Variants in MAD1L1 observed in about 807,000 individuals in gnomAD.
The protein encoded by MAD1L1 is mitotic spindle assembly checkpoint protein MAD1.
Under a neutral mutation model 96.9 loss-of-function variants are expected in MAD1L1, and 95 were observed. That is an observed-to-expected ratio of 0.98 (90% CI 0.83 to 1.16). The LOEUF is 1.16. Among genes scored for constraint, MAD1L1 ranks in the 50% most tolerant of loss-of-function variants. The pLI is 0.00. For synonymous variants in MAD1L1, 473 were observed against 396.6 expected (o/e 1.19, Z -2.29); for missense variants, 1,007 against 954.4 (o/e 1.06, Z -0.73).
chr7:1,900,498 A>G (rs1176961154), intron 17 of MAD1L1, among the ~76,000 whole-genome samples: 2 of 152,174 alleles, frequency 1.3e-5, no homozygotes, highest in African/African-American at 4.8e-5. Context: ...CAGCCCCTCC[A>G]GCAGGACGAG....
intron 12 of MAD1L1, among the ~76,000 whole-genome samples, chr7:2,053,276 G>A (rs1219585618): frequency 6.6e-6 from 1 of 152,194 alleles, no homozygotes; most frequent in African/African-American, 2.4e-5. Context: ...TGCAGACGGT[G>A]AGGCTGGGAC....
chr7:2,002,131 A>G lies in MAD1L1; in HGVS notation c.1360-10T>C, dbSNP rs1479598423. The G allele has an allele frequency of 2.5e-6, 4 of 1,612,686 alleles. No homozygotes were observed. Among genetic ancestry groups the G allele is most frequent in the Non-Finnish European group, 3.4e-6 (4 of 1,179,958 alleles). ...CCTGCGACAGCTGAGCCTGCAAGAC[A>G]AGACAGGATTCGGCCTGAGACTGTG... On this transcript the variant is annotated splice_polypyrimidine_tract_variant and intron_variant, in intron 13 of 18. Coordinates refer to ENST00000265854, the MANE Select transcript of MAD1L1 (RefSeq NM_001013836.2).
intron 14 of MAD1L1, among the ~76,000 whole-genome samples, chr7:1,987,105 C>T (rs879603669): frequency 2.3e-4 from 35 of 152,184 alleles, no homozygotes; most frequent in Non-Finnish European, 5.0e-4. Context: ...AGTGGAAATG[C>T]CGCCTTCCCC....
At chr7:2,093,894 C>T (rs902720643) in intron 11 of MAD1L1, among the ~76,000 whole-genome samples, 4 of 152,202 alleles carry the variant, frequency 2.6e-5, no homozygotes, top group African/African-American at 9.7e-5. Context: ...CCTCAGGTGA[C>T]GATGTCAGGT....
chr7:1,886,390 G>A (rs781445655), intron 18 of MAD1L1, among the ~76,000 whole-genome samples: 8 of 152,232 alleles, frequency 5.3e-5, no homozygotes, highest in South Asian at 4.1e-4. Context: ...GCAGCAAAGC[G>A]GATGCTTCAT....
intron 10 of MAD1L1, among the ~76,000 whole-genome samples, chr7:2,176,706 T>G (rs1237507434): frequency 6.6e-6 from 1 of 150,674 alleles, no homozygotes; most frequent in Non-Finnish European, 1.5e-5. Flanking sequence ...GTCAACATAG[T>G]AAACTATACT....
At chr7:2,145,662 G>A (rs999674258) in intron 11 of MAD1L1, among the ~76,000 whole-genome samples, 9 of 152,088 alleles carry the variant, frequency 5.9e-5, no homozygotes, top group African/African-American at 1.2e-4. Context: ...TGCTCACTGC[G>A]GGATGATCTG....
chr7:2,070,504 G>C (rs1785072933), intron 11 of MAD1L1, among the ~76,000 whole-genome samples: 1 of 152,220 alleles, frequency 6.6e-6, no homozygotes, highest in Admixed American at 6.5e-5. Flanking sequence ...TCCCAGGAAA[G>C]GACACAGCCA....
At chr7:2,024,626 A>T (rs2128503431) in intron 12 of MAD1L1, among the ~76,000 whole-genome samples, 1 of 152,080 alleles carries the variant, frequency 6.6e-6, no homozygotes, top group East Asian at 1.9e-4. Context: ...CCCCTAATAA[A>T]CGCTTCAAAT....
chr7:1,825,620 T>G (rs1446372542), intron 18 of MAD1L1, among the ~76,000 whole-genome samples: 4 of 152,226 alleles, frequency 2.6e-5, no homozygotes, highest in Non-Finnish European at 5.9e-5. Context: ...CCACGGGTCT[T>G]TGCGGTGCCC....
At chr7:1,821,289 A>G (rs1583469594) in intron 18 of MAD1L1, among the ~76,000 whole-genome samples, 1 of 152,260 alleles carries the variant, frequency 6.6e-6, no homozygotes, top group Non-Finnish European at 1.5e-5. Context: ...TATAACCATT[A>G]AATAAATCAA....
At chr7:2,141,073 G>A (rs187685764) in intron 11 of MAD1L1, among the ~76,000 whole-genome samples, 1 of 152,350 alleles carries the variant, frequency 6.6e-6, no homozygotes, top group African/African-American at 2.4e-5. Flanking sequence ...GAGGCACCCC[G>A]GACAGACCCC....
At chr7:2,221,483 G>A (rs1356114170) in intron 5 of MAD1L1, among the ~76,000 whole-genome samples, 29 of 128,730 alleles carry the variant, frequency 2.3e-4, no homozygotes, top group Admixed American at 4.0e-4. Context: ...CAGGACCCCC[G>A]CTGCACGCCC....
intron 6 of MAD1L1, 68 bp downstream of exon 6, chr7:2,219,264 G>C: frequency 1.6e-5 from 23 of 1,426,570 alleles, no homozygotes; most frequent in African/African-American, 2.8e-5. Context: ...CCAGCCACCA[G>C]GAGAGAGGTG....
intron 17 of MAD1L1, among the ~76,000 whole-genome samples, chr7:1,922,555 T>G (rs1255427103): frequency 6.6e-6 from 1 of 152,258 alleles, no homozygotes; most frequent in African/African-American, 2.4e-5. Flanking sequence ...CGTTTTTATC[T>G]TGTGATTTTC....
chr7:1,884,956 G>C (rs891266684), intron 18 of MAD1L1, among the ~76,000 whole-genome samples: 4 of 152,228 alleles, frequency 2.6e-5, no homozygotes, highest in Non-Finnish European at 5.9e-5. Flanking sequence ...TCCGGGAATA[G>C]GCAAAGTTCA....
At chr7:1,976,489 G>A (rs1780645475) in intron 15 of MAD1L1, among the ~76,000 whole-genome samples, 1 of 152,212 alleles carries the variant, frequency 6.6e-6, no homozygotes, top group South Asian at 2.1e-4. Context: ...CAGGAGTGAA[G>A]CTGCAGACCT....
chr7:1,996,292 TG>T lies in MAD1L1; in HGVS notation c.1416+5772del, dbSNP rs1242271228. Among the ~76,000 whole-genome samples, 103 of 107,432 alleles carry T rather than the reference TG, an allele frequency of 9.6e-4. 1 individual carries two copies. Among genetic ancestry groups the T allele is most frequent in the African/African-American group, 3.7e-3 (99 of 26,718 alleles). 70.5% of individuals were successfully genotyped at this position (107,432 alleles called of 152,430 possible). ...GGGTCCCCCCGGGTCTACACACGGCTGCTGGGCGGGCAGGGTCCCCCCGGGT... is the reference window on the plus strand; with the variant it reads ...GGGTCCCCCCGGGTCTACACACGGCTCTGGGCGGGCAGGGTCCCCCCGGGT... On this transcript the variant is annotated intron_variant, in intron 14 of 18. Transcript: ENST00000265854.
intron 12 of MAD1L1, among the ~76,000 whole-genome samples, chr7:2,057,847 C>T (rs921573426): frequency 2.0e-5 from 3 of 152,210 alleles, no homozygotes; most frequent in East Asian, 1.9e-4. Context: ...GCACACACCA[C>T]GCTTACTGAT....
Sources: gnomAD v4.1 joint callset for allele counts (sites outside exome capture counted in the v4.1 genomes callset) on GRCh38, gnomAD v4.1.1 for gene constraint, MANE v1.5 for transcripts, NCBI Gene and HGNC (gene_info 2026-07-23, HGNC 2026-07-21) for gene names.